The following DAB1 variants were observed in gnomAD, a reference collection of about 807,000 sequenced individuals.
DAB1 encodes the protein disabled homolog 1.
A neutral mutation model predicts 64.6 loss-of-function variants in DAB1; 15 were observed. The observed-to-expected ratio is 0.23, with a 90% CI of 0.16 to 0.36. DAB1 has a LOEUF of 0.36. DAB1 is among the 10% of genes least tolerant of loss of function. DAB1 has a pLI of 1.00. For missense variants in DAB1, 596 were observed against 706.7 expected, an observed-to-expected ratio of 0.84 and a Z score of 1.78; for synonymous variants, 235 against 251.9, an observed-to-expected ratio of 0.93 and a Z score of 0.64.
intron 5 of DAB1, among the ~76,000 whole-genome samples, chr1:57,908,993 C>T (rs74072522): frequency 0.011 from 1,723 of 152,264 alleles, 34 homozygotes; most frequent in African/African-American, 0.04. Context: ...GCCTATTTTA[C>T]GTGATACAGA....
At chr1:57,577,439 C>G (rs1455956858) in intron 7 of DAB1, among the ~76,000 whole-genome samples, 3 of 150,672 alleles carry the variant, frequency 2.0e-5, no homozygotes, top group Non-Finnish European at 4.4e-5. Flanking sequence ...CAGGCCTTTT[C>G]AAAATTCAGT....
chr1:58,323,020 C>T (rs1197378313), intron 4 of DAB1, among the ~76,000 whole-genome samples: 1 of 146,746 alleles, frequency 6.8e-6, no homozygotes, highest in Non-Finnish European at 1.5e-5. Context: ...TGTTCTCACT[C>T]ATAGGTTCGA....
At chr1:57,781,118 CTCTCTCTCTATATATATATATATATA>C (rs1337355704) in intron 6 of DAB1, among the ~76,000 whole-genome samples, 165 of 54,526 alleles carry the variant, frequency 3.0e-3, no homozygotes, top group East Asian at 0.015. Flanking sequence ...CTCTCTCTCT[CTCTCTCTCTATATATATATATATATA>C]TATATATATA....
At chr1:58,147,511 G>C (rs1272351205) in intron 5 of DAB1, among the ~76,000 whole-genome samples, 2 of 150,832 alleles carry the variant, frequency 1.3e-5, no homozygotes, top group Non-Finnish European at 2.9e-5. Flanking sequence ...CCAGCTACTC[G>C]AGGCTGAGGC....
chr1:57,653,811 C>G (rs537776210), intron 6 of DAB1, among the ~76,000 whole-genome samples: 2 of 152,206 alleles, frequency 1.3e-5, no homozygotes, highest in Admixed American at 1.3e-4. Flanking sequence ...CGGGGTTCGC[C>G]ATGTTGGCCA....
intron 7 of DAB1, among the ~76,000 whole-genome samples, chr1:57,628,984 C>T (rs967046879): frequency 1.4e-4 from 21 of 152,128 alleles, no homozygotes; most frequent in African/African-American, 4.3e-4. Context: ...CTTAATTAGC[C>T]GCCTATTTGA....
At chr1:57,238,548 A>T (rs756009099) in intron 2 of DAB1, among the ~76,000 whole-genome samples, 46 of 152,130 alleles carry the variant, frequency 3.0e-4, no homozygotes, top group Non-Finnish European at 5.7e-4. Context: ...ATGAAGCACG[A>T]GCTTGATGAA....
chr1:58,163,853 G>A (rs1298018472), intron 4 of DAB1, among the ~76,000 whole-genome samples: 1 of 152,142 alleles, frequency 6.6e-6, no homozygotes, highest in East Asian at 1.9e-4. Context: ...GGCTGATCTT[G>A]AGGCTGAGAA....
chr1:57,586,773 C>G (rs1645386001), intron 7 of DAB1, among the ~76,000 whole-genome samples: 2 of 148,444 alleles, frequency 1.3e-5, no homozygotes, highest in African/African-American at 5.0e-5. Context: ...ATGTTCAGTC[C>G]TTCCTTGACT....
intron 3 of DAB1, among the ~76,000 whole-genome samples, chr1:58,401,125 T>C (rs1368164297): frequency 6.6e-6 from 1 of 152,202 alleles, no homozygotes; most frequent in African/African-American, 2.4e-5. Context: ...TCCTTGAGAA[T>C]AGTGACTGGC....
At chr1:57,407,262 G>T (rs1011433984) in intron 1 of DAB1, among the ~76,000 whole-genome samples, 3 of 152,156 alleles carry the variant, frequency 2.0e-5, no homozygotes, top group African/African-American at 7.2e-5. Flanking sequence ...GACCACCAAG[G>T]TCACAGCAAA....
intron 3 of DAB1, among the ~76,000 whole-genome samples, chr1:58,379,770 C>T (rs1260580425): frequency 6.6e-6 from 1 of 152,110 alleles, no homozygotes; most frequent in Non-Finnish European, 1.5e-5. Context: ...GGGATGAGTA[C>T]TGTGGAGTAG....
chr1:57,805,672 AT>A (rs1557490891), intron 6 of DAB1, among the ~76,000 whole-genome samples: 1 of 152,166 alleles, frequency 6.6e-6, no homozygotes, highest in Non-Finnish European at 1.5e-5. Flanking sequence ...TGACATCACC[AT>A]TTGGATATCC....
chr1:57,136,331 C>T (rs915840993), intron 4 of DAB1, among the ~76,000 whole-genome samples: 1 of 152,184 alleles, frequency 6.6e-6, no homozygotes, highest in Admixed American at 6.5e-5. Context: ...ACACTTTTAT[C>T]ACCATTACAC....
At chr1:57,339,218 C>T (rs911644278) in intron 1 of DAB1, among the ~76,000 whole-genome samples, 8 of 151,018 alleles carry the variant, frequency 5.3e-5, no homozygotes, top group Admixed American at 4.0e-4. Flanking sequence ...GGCAGTGGCG[C>T]GATCTCTGCT....
chr1:58,201,788 T>G (rs1292639831), intron 4 of DAB1, among the ~76,000 whole-genome samples: 1 of 152,178 alleles, frequency 6.6e-6, no homozygotes, highest in African/African-American at 2.4e-5. Flanking sequence ...AAGTCCAAAT[T>G]TACCCCATTT....
chr1:57,288,591 C>T (rs2100656084), intron 2 of DAB1, among the ~76,000 whole-genome samples: 1 of 152,300 alleles, frequency 6.6e-6, no homozygotes, highest in South Asian at 2.1e-4. Flanking sequence ...ACCAAATTGG[C>T]TGGCACTTTG....
intron 6 of DAB1, among the ~76,000 whole-genome samples, chr1:57,664,455 T>A (rs768536431): frequency 3.5e-4 from 53 of 152,180 alleles, no homozygotes; most frequent in Admixed American, 6.5e-4. Context: ...GGTAAATTGC[T>A]CCTTTTAAAT....
chr1:57,424,567 A>C (rs1570503240), upstream of DAB1, among the ~76,000 whole-genome samples: 1 of 151,750 alleles, frequency 6.6e-6, no homozygotes, highest in East Asian at 1.9e-4. Context: ...GGCCTCTCTC[A>C]TTTTTCTCTA....
Sources: gnomAD v4.1 joint callset for allele counts (sites outside exome capture counted in the v4.1 genomes callset) on GRCh38, gnomAD v4.1.1 for gene constraint, MANE v1.5 for transcripts, NCBI Gene and HGNC (gene_info 2026-07-23, HGNC 2026-07-21) for gene names.